The following GULP1 variants were observed in gnomAD, a reference collection of about 807,000 sequenced individuals.
The protein encoded by GULP1 is PTB domain-containing engulfment adapter protein 1.
In GULP1, 19 loss-of-function variants were observed where a neutral mutation model predicts 40.9. That is an observed-to-expected ratio of 0.46 (90% confidence interval 0.32 to 0.68). The LOEUF is 0.68. Ranked by LOEUF, GULP1 falls within the 30% of genes least tolerant of loss-of-function variation. The pLI, the probability that GULP1 is intolerant of heterozygous loss-of-function variation, is 0.03. For missense variants in GULP1, 312 were observed against 362.2 expected (o/e 0.86, Z 1.12); for synonymous variants, 119 against 117.6 (o/e 1.01, Z -0.08).
chr2:188,499,135 GTATATA>G (rs893185238), intron 4 of GULP1, among the ~76,000 whole-genome samples: 851 of 56,354 alleles, frequency 0.015, 7 homozygotes, highest in African/African-American at 0.043. Context: ...ATATGTGTGT[GTATATA>G]TATATATATA....
intron 4 of GULP1, among the ~76,000 whole-genome samples, chr2:188,484,947 T>G (rs2061736996): frequency 6.6e-6 from 1 of 152,122 alleles, no homozygotes; most frequent in South Asian, 2.1e-4. Context: ...CATGAAAAGT[T>G]TAGTTAACTG....
intron 9 of GULP1, among the ~76,000 whole-genome samples, chr2:188,571,889 C>A (rs1225221879): frequency 6.6e-6 from 1 of 152,162 alleles, no homozygotes; most frequent in Non-Finnish European, 1.5e-5. Context: ...TTTGTGTTGA[C>A]AAAGGAGTAA....
At chr2:188,422,354 G>A (rs2055557550) in intron 2 of GULP1, among the ~76,000 whole-genome samples, 1 of 150,882 alleles carries the variant, frequency 6.6e-6, no homozygotes. Context: ...TAGTTCAATT[G>A]CAATTGTACT....
intron 2 of GULP1, among the ~76,000 whole-genome samples, chr2:188,465,559 C>A (rs1468906549): frequency 5.3e-5 from 8 of 152,136 alleles, no homozygotes; most frequent in South Asian, 2.1e-4. Flanking sequence ...TCAGCCCACA[C>A]TGACTCTGGG....
intron 2 of GULP1, among the ~76,000 whole-genome samples, chr2:188,411,208 CTG>C (rs762872561): frequency 3.3e-5 from 5 of 152,308 alleles, no homozygotes; most frequent in South Asian, 2.1e-4. Context: ...AGCAAAATAT[CTG>C]TGTCAGCGTA....
At chr2:188,557,494 A>G (rs1394872627) in intron 7 of GULP1, among the ~76,000 whole-genome samples, 1 of 152,224 alleles carries the variant, frequency 6.6e-6, no homozygotes, top group African/African-American at 2.4e-5. Flanking sequence ...CTTTGACTCC[A>G]TGTCCCATAT....
chr2:188,375,302 A>T (rs913967170), intron 1 of GULP1, among the ~76,000 whole-genome samples: 1 of 152,224 alleles, frequency 6.6e-6, no homozygotes, highest in South Asian at 2.1e-4. Flanking sequence ...GCATCCTGCA[A>T]CTGTGGGAAA....
chr2:188,559,004 G>GA (rs1695555756), intron 7 of GULP1, among the ~76,000 whole-genome samples: 1 of 152,150 alleles, frequency 6.6e-6, no homozygotes, highest in African/African-American at 2.4e-5. Flanking sequence ...TGATAGAAAA[G>GA]AAAAACCCAT....
At chr2:188,478,769 C>G (rs979136632) in intron 3 of GULP1, among the ~76,000 whole-genome samples, 2 of 152,054 alleles carry the variant, frequency 1.3e-5, no homozygotes, top group African/African-American at 4.8e-5. Context: ...GTGTGAGTAT[C>G]AAAGGCTCTG....
intron 2 of GULP1, among the ~76,000 whole-genome samples, chr2:188,438,483 A>C (rs993823418): frequency 6.6e-6 from 1 of 150,934 alleles, no homozygotes; most frequent in Non-Finnish European, 1.5e-5. Flanking sequence ...GTATATTAAC[A>C]TAACAATTAT....
rs1362482182 is a variant in GULP1, at chr2:188,494,802, T to C, written c.90+11310T>C. ...TCTCTTATATGTTCTTTTTTTTCTA[T>C]GTGCTCCTTTGTTTTTTCTCACAAT... On this transcript the variant is annotated intron_variant, in intron 4 of 11. Coordinates refer to ENST00000409830, the MANE Select transcript of GULP1 (RefSeq NM_016315.4). Among the ~76,000 whole-genome samples, 3 of 152,044 alleles carry C rather than the reference T, an allele frequency of 2.0e-5. No homozygotes were observed. The East Asian group carries it at 5.8e-4, about 30-fold the overall frequency.
chr2:188,320,514 GTCC>G (rs2039807506), intron 1 of GULP1, among the ~76,000 whole-genome samples: 1 of 151,978 alleles, frequency 6.6e-6, no homozygotes, highest in Admixed American at 6.6e-5. Flanking sequence ...TCTTTCCTAT[GTCC>G]TGACAAAAGT....
intron 2 of GULP1, among the ~76,000 whole-genome samples, chr2:188,401,139 G>A (rs1178907684): frequency 6.6e-6 from 1 of 152,004 alleles, no homozygotes; most frequent in Non-Finnish European, 1.5e-5. Flanking sequence ...AATGGTACCT[G>A]AAATTGTTAG....
intron 6 of GULP1, among the ~76,000 whole-genome samples, chr2:188,530,764 A>G (rs1244902917): frequency 1.3e-5 from 2 of 152,164 alleles, no homozygotes; most frequent in African/African-American, 4.8e-5. Context: ...GTATTTTGTT[A>G]TGGCAGGCTT....
At chr2:188,357,726 T>C (rs2045538940) in intron 1 of GULP1, among the ~76,000 whole-genome samples, 1 of 152,138 alleles carries the variant, frequency 6.6e-6, no homozygotes, top group Non-Finnish European at 1.5e-5. Context: ...GATCAGTATA[T>C]TAAAGAGATA....
At chr2:188,535,901 GATC>G (rs1473759074) in intron 6 of GULP1, among the ~76,000 whole-genome samples, 1 of 152,052 alleles carries the variant, frequency 6.6e-6, no homozygotes. Flanking sequence ...ATTGGTGTGA[GATC>G]ATATCTCTTT....
intron 2 of GULP1, among the ~76,000 whole-genome samples, chr2:188,416,923 A>C (rs2054658206): frequency 6.6e-6 from 1 of 152,198 alleles, no homozygotes; most frequent in Non-Finnish European, 1.5e-5. Context: ...ATGGTGAATG[A>C]AAATTTAGTT....
intron 1 of GULP1, among the ~76,000 whole-genome samples, chr2:188,319,888 C>A (rs2039711512): frequency 6.6e-6 from 1 of 151,878 alleles, no homozygotes; most frequent in Non-Finnish European, 1.5e-5. Flanking sequence ...AGCTTAATAT[C>A]TTGGAGTATG....
intron 1 of GULP1, among the ~76,000 whole-genome samples, chr2:188,354,888 C>G (rs965730926): frequency 1.3e-5 from 2 of 151,952 alleles, no homozygotes; most frequent in African/African-American, 4.8e-5. Context: ...AAATCAATAA[C>G]AAGAACTTTC....
Sources: gnomAD v4.1 joint callset for allele counts (sites outside exome capture counted in the v4.1 genomes callset) on GRCh38, gnomAD v4.1.1 for gene constraint, MANE v1.5 for transcripts, NCBI Gene and HGNC (gene_info 2026-07-23, HGNC 2026-07-21) for gene names.